Variants in MOGAT3 observed in about 807,000 individuals in gnomAD.
The protein encoded by MOGAT3 is 2-acylglycerol O-acyltransferase 3.
Under a neutral mutation model 34.4 loss-of-function variants are expected in MOGAT3, and 39 were observed. That is an observed-to-expected ratio of 1.13 (90% CI 0.88 to 1.48). MOGAT3 has a LOEUF of 1.48. Among genes scored for constraint, MOGAT3 ranks in the 40% most tolerant of loss-of-function variants. The pLI is 0.00. For missense variants in MOGAT3, 439 were observed against 438.9 expected, an observed-to-expected ratio of 1.00 and a Z score of 0.00; for synonymous variants, 209 against 179.2, an observed-to-expected ratio of 1.17 and a Z score of -1.33.
At chr7:101,192,961 C>T (rs894030318), downstream of MOGAT3, among the ~76,000 whole-genome samples, 21 of 151,968 alleles carry the variant, frequency 1.4e-4, no homozygotes, top group Non-Finnish European at 4.4e-5. Flanking sequence ...GCCTGTAGTC[C>T]CAGCTACTCG....
Position 101,196,349 on chromosome 7 carries a change from T to G in MOGAT3, c.709A>C (p.Ile237Leu). ...VPVYSFGENDIFRLKAFATGS... is the reference protein window; with the variant it reads ...VPVYSFGENDLFRLKAFATGS... ...GTGGCAAAAGCCTTAAGTCTAAAGATGTCATTCTCCCCAAAGGAGTACACG... is the reference window on the plus strand; with the variant it reads ...GTGGCAAAAGCCTTAAGTCTAAAGAGGTCATTCTCCCCAAAGGAGTACACG... Residue 237 changes from isoleucine (I) to leucine (L), a missense_variant, in exon 6 of 7, where the codon ATC becomes CTC. Transcript: ENST00000223114. 1 of 1,613,810 alleles carries G rather than the reference T, an allele frequency of 6.2e-7. No homozygotes were observed. The highest frequency in any genetic ancestry group is 1.3e-5 in the African/African-American group (1 of 74,992).
chr7:101,193,286 A>C (rs1797717022), downstream of MOGAT3, among the ~76,000 whole-genome samples: 1 of 152,072 alleles, frequency 6.6e-6, no homozygotes, highest in African/African-American at 2.4e-5. Context: ...TGCCCACTGG[A>C]GAAATCTATT....
In MOGAT3 at chr7:101,200,759, A is replaced by T. The variant is rs1451492207; in HGVS notation, c.96T>A (p.Thr32=). 5 of 1,613,876 alleles carry T rather than the reference A, an allele frequency of 3.1e-6. No homozygotes were observed. The Admixed American group carries it at 5.0e-5, about 16-fold the overall frequency. The change falls in exon 1 of 7, where the codon ACT becomes ACA. Residue 32 remains threonine (T), a synonymous_variant. Transcript: ENST00000223114. ...EAVGAYQYVL[T]FLFMGPFFSL... ...CCCAGCTCTCACCCATGAAGAGGAAAGTGAGCACATATTGGTAGGCGCCCA... is the reference window on the plus strand; with the variant it reads ...CCCAGCTCTCACCCATGAAGAGGAATGTGAGCACATATTGGTAGGCGCCCA...
At chr7:101,200,178 G>T in intron 3 of MOGAT3, 56 bp downstream of exon 3, 1 of 1,447,892 alleles carries the variant, frequency 6.9e-7, no homozygotes, top group Non-Finnish European at 9.7e-7. Flanking sequence ...GCTCCTAGGT[G>T]TGGGAGGGAG....
Position 101,196,389 on chromosome 7 carries a change from C to T in MOGAT3, c.669G>A (p.Gly223=). 6.2e-7 allele frequency: 1 copy of T among 1,606,628 alleles called. No homozygotes were observed. The highest frequency in any genetic ancestry group is 8.5e-7 in the Non-Finnish European group (1 of 1,175,922). The change falls in exon 6 of 7, where the codon GGG becomes GGA. Residue 223 remains glycine, a splice_region_variant and synonymous_variant. Coordinates refer to ENST00000223114, the MANE Select transcript of MOGAT3 (RefSeq NM_178176.4). The stretch of plus-strand genomic sequence containing the variant: ...AGGAGTACACGGGCACCAGGGACGC[C>T]CTGGGAAGGAGCAAGAGAGAAGAGG... ...KGFVRLALRH[G]ASLVPVYSFG... is the part of the protein sequence containing the mutation.
chr7:101,194,179 TC>T (rs1485494894), downstream of MOGAT3, among the ~76,000 whole-genome samples: 3 of 150,628 alleles, frequency 2.0e-5, no homozygotes, highest in African/African-American at 7.4e-5. Context: ...ATTTTTTTTT[TC>T]ATTTTTTTCA....
chr7:101,193,259 C>T (rs1251762870), downstream of MOGAT3, among the ~76,000 whole-genome samples: 1 of 151,974 alleles, frequency 6.6e-6, no homozygotes, highest in Admixed American at 6.6e-5. Context: ...CCGCCCATCC[C>T]CAGTGTCTGG....
In MOGAT3 at chr7:101,195,844, C is replaced by T. The variant is rs1264154693; in HGVS notation, c.*102G>A. ...CTGGGATTACAGGCATGAGGCACTGCGCTGGGCCCAGAACTACCTTTTATT... is the reference window on the plus strand; with the variant it reads ...CTGGGATTACAGGCATGAGGCACTGTGCTGGGCCCAGAACTACCTTTTATT... On this transcript the variant is annotated 3_prime_UTR_variant, in exon 7 of 7. Coordinates refer to ENST00000223114, the MANE Select transcript of MOGAT3 (RefSeq NM_178176.4). 8.2e-6 allele frequency: 11 copies of T among 1,333,880 alleles called. No homozygotes were observed. Among genetic ancestry groups the T allele is most frequent in the East Asian group, 4.6e-5 (2 of 43,578 alleles). 82.6% of individuals were successfully genotyped at this position (1,333,880 alleles called of 1,614,324 possible).
In MOGAT3 at chr7:101,198,661, T is replaced by C. The variant is rs1465737765; in HGVS notation, c.458A>G (p.Tyr153Cys). ...GATGTAGTCGCGATAGACCGGGAGG[T>C]AGAAGAGGCCAGCCAGCACGGCTAA... is the stretch of plus-strand genomic sequence containing the variant. Reference protein sequence around the residue: ...PWLAVLAGLFYLPVYRDYIMS... With the variant: ...PWLAVLAGLFCLPVYRDYIMS... Residue 153 changes from tyrosine (Y) to cysteine (C), a missense_variant, in exon 4 of 7, where the codon TAC (tyrosine) becomes TGC (cysteine). Tyr to Cys is a radical substitution (Grantham distance 194). Transcript: ENST00000223114. 6.2e-7 allele frequency: 1 copy of C among 1,611,776 alleles called. No homozygotes were observed. Among genetic ancestry groups the C allele is most frequent in the Non-Finnish European group, 8.5e-7 (1 of 1,179,852 alleles).
rs773783810 is a variant in MOGAT3 at position 101,198,606 on chromosome 7, C to T, written c.493+20G>A. 1.2e-6 allele frequency: 2 copies of T among 1,606,472 alleles called. No individual in the cohort carries two copies. Among genetic ancestry groups the T allele is most frequent in the Non-Finnish European group, 1.7e-6 (2 of 1,175,480 alleles). On this transcript the variant is annotated intron_variant, in intron 4 of 6. Coordinates refer to ENST00000223114, the MANE Select transcript of MOGAT3 (RefSeq NM_178176.4). The stretch of plus-strand genomic sequence containing the variant: ...CTGGTCAGGAGTCTCCTCCCGTTCT[C>T]CTCCTCCCATTCGGCTCACCAAAGG...
chr7:101,200,744 A>G lies in MOGAT3; in HGVS notation c.109+2T>C. ...AGGCACCCACGCCTCCCCAGCTCTC[A>G]CCCATGAAGAGGAAAGTGAGCACAT... On this transcript the variant is annotated splice_donor_variant, in intron 1 of 6. Transcript: ENST00000223114. LOFTEE classifies it high-confidence loss of function. 6.2e-7 allele frequency: 1 copy of G among 1,612,542 alleles called. No homozygotes were observed. The highest frequency in any genetic ancestry group is 2.2e-5 in the East Asian group (1 of 44,860).
chr7:101,196,090 G>A lies in MOGAT3; in HGVS notation c.882C>T (p.Pro294=). The A allele has an allele frequency of 6.2e-7, 1 of 1,609,210 alleles. No individual in the cohort carries two copies. Among genetic ancestry groups the A allele is most frequent in the South Asian group, 1.1e-5 (1 of 90,686 alleles). The part of the protein sequence containing the change: ...AVPITTVVGR[P]IPVPQRLHPT... ...GGTGGAGGCGCTGGGGGACGGGGAT[G>A]GGGCGGCCCACTGCAGGGAGAGGGA... Residue 294 remains proline (P), a synonymous_variant, in exon 7 of 7, where the codon CCC becomes CCT. Transcript: ENST00000223114.
At position 101,200,998 on chromosome 7, in the gene MOGAT3, C is replaced by T. The variant is rs760544237; in HGVS notation, c.-144G>A. On this transcript the variant is annotated 5_prime_UTR_variant, in exon 1 of 7. Coordinates refer to ENST00000223114, the MANE Select transcript of MOGAT3 (RefSeq NM_178176.4). Reference sequence around the variant, plus strand: ...AGTCGCAAATCACCTCCCAGAGTAGCGTGTGTCCGTAGGTGTGTGAGTGGG... The same window carrying T: ...AGTCGCAAATCACCTCCCAGAGTAGTGTGTGTCCGTAGGTGTGTGAGTGGG... The T allele has an allele frequency of 3.9e-5, 24 of 618,030 alleles. No individual in the cohort carries two copies. The highest frequency in any genetic ancestry group is 3.1e-4 in the East Asian group (11 of 35,372). 38.3% of individuals were successfully genotyped at this position (618,030 alleles called of 1,614,324 possible).
At chr7:101,198,908 G>C (rs1188759156) in intron 3 of MOGAT3, 78 bp from the exon 4 acceptor site, 1 of 1,319,550 alleles carries the variant, frequency 7.6e-7, no homozygotes, top group African/African-American at 1.5e-5. Context: ...CACCCCAACA[G>C]AGTTCCGAGT....
chr7:101,196,993 T>A (rs1373007144), intron 5 of MOGAT3, among the ~76,000 whole-genome samples: 2 of 151,798 alleles, frequency 1.3e-5, no homozygotes, highest in Non-Finnish European at 2.9e-5. Flanking sequence ...TGAAACCCCA[T>A]CTCTACTAAA....
chr7:101,196,554 G>T (rs566265159), intron 5 of MOGAT3, among the ~76,000 whole-genome samples, 165 bp from the exon 6 acceptor site: 1 of 152,282 alleles, frequency 6.6e-6, no homozygotes, highest in Admixed American at 6.5e-5. Flanking sequence ...GACAGGACTC[G>T]CATTTCTTTC....
Position 101,195,303 on chromosome 7 carries a change from C to T in MOGAT3, c.*643G>A, listed in dbSNP as rs1797748828. The T allele has an allele frequency of 6.6e-6, 1 of 152,252 alleles. No homozygotes were observed. The highest frequency in any genetic ancestry group is 2.1e-4 in the South Asian group (1 of 4,818). 9.4% of individuals were successfully genotyped at this position (152,252 alleles called of 1,614,324 possible). A position where few individuals can be genotyped will look rare whatever the true frequency, so the allele number is the denominator to read the frequency against. Reference sequence around the variant, plus strand: ...GATCTCGGCTCACTGCAACCTCTGCCTCCTGGGTTCAAGCGATTCTCCTGC... The same window carrying T: ...GATCTCGGCTCACTGCAACCTCTGCTTCCTGGGTTCAAGCGATTCTCCTGC... On this transcript the variant is annotated 3_prime_UTR_variant, in exon 7 of 7. Transcript: ENST00000223114.
In MOGAT3 at chr7:101,198,282, C is replaced by A; in HGVS notation, c.577G>T (p.Gly193Cys). The A allele has an allele frequency of 6.2e-7, 1 of 1,608,618 alleles. No homozygotes were observed. Among genetic ancestry groups the A allele is most frequent in the Non-Finnish European group, 8.5e-7 (1 of 1,176,996 alleles). The part of the protein sequence containing the change: ...LGQAVVIMVG[G>C]AHEALYSVPG... ...ACTGAATACAGGGCCTCGTGCGCAC[C>A]CCCCACCATGATGACCACGGCCTGC... Residue 193 changes from glycine to cysteine, a missense_variant, in exon 5 of 7, where the codon GGT becomes TGT. Transcript: ENST00000223114.
rs1391915294 is a variant in MOGAT3 at position 101,200,880 on chromosome 7, G to T, written c.-26C>A. On this transcript the variant is annotated 5_prime_UTR_variant, in exon 1 of 7. Transcript: ENST00000223114. ...TGCAGAAGCTCCCCTCTTCCAGCAG[G>T]ATCCCAGAACCCGGAGGACAAACGA... The T allele has an allele frequency of 1.9e-6, 3 of 1,581,448 alleles. No homozygotes were observed. The highest frequency in any genetic ancestry group is 2.7e-5 in the African/African-American group (2 of 74,332).
Sources: allele counts gnomAD v4.1 joint callset (sites outside exome capture counted in the v4.1 genomes callset), GRCh38; gene constraint gnomAD v4.1.1; transcripts MANE v1.5; gene names NCBI Gene and HGNC (gene_info 2026-07-23, HGNC 2026-07-21).